The following PHKB variants were observed in gnomAD, a reference collection of about 807,000 sequenced individuals.
The protein encoded by PHKB is phosphorylase kinase regulatory subunit beta.
A neutral mutation model predicts 152.1 loss-of-function variants in PHKB; 122 were observed. The ratio of observed to expected loss-of-function variants is 0.80; its 90% CI spans 0.69 to 0.93. The LOEUF is 0.93. PHKB is among the 40% of genes least tolerant of loss of function. The probability of loss-of-function intolerance (pLI) is 0.00; values close to 1 mark genes in which losing one functional copy is unlikely to be tolerated. For missense variants in PHKB, 1,304 were observed against 1,328.4 expected, an observed-to-expected ratio of 0.98 and a Z score of 0.29; for synonymous variants, 436 against 464.9, an observed-to-expected ratio of 0.94 and a Z score of 0.80.
At chr16:47,603,602 C>T (rs1972272743) in intron 13 of PHKB, among the ~76,000 whole-genome samples, 1 of 150,790 alleles carries the variant, frequency 6.6e-6, no homozygotes, top group South Asian at 2.1e-4. Context: ...CTCCAGGGTT[C>T]AAGCAATCCT....
At position 47,649,328 on chromosome 16, in the gene PHKB, A is replaced by G. The variant is rs896401848; in HGVS notation, c.1797+124A>G. ...GGGTTAACACAGTGTAAAGCATGAC[A>G]GTAAAACCACCTGCATAGCTTTGGA... is the stretch of plus-strand genomic sequence containing the variant. On this transcript the variant is annotated intron_variant, in intron 18 of 30. Coordinates refer to ENST00000323584, the MANE Select transcript of PHKB (RefSeq NM_000293.3). The G allele has an allele frequency of 5.0e-5, 36 of 722,732 alleles. 1 individual carries two copies. The highest frequency in any genetic ancestry group is 2.9e-4 in the South Asian group (20 of 69,586). The allele number at this position is 722,732 out of a possible 1,614,324, so 44.8% of individuals were successfully genotyped here. A position where few individuals can be genotyped will look rare whatever the true frequency, so the allele number is the denominator to read the frequency against.
intron 26 of PHKB, among the ~76,000 whole-genome samples, chr16:47,678,272 T>G (rs1973774378): frequency 1.3e-5 from 2 of 152,340 alleles, no homozygotes; most frequent in Middle Eastern, 3.4e-3. Flanking sequence ...TATAATCCTT[T>G]GGGTATATAC....
At chr16:47,589,648 AAC>A (rs1971994252) in intron 10 of PHKB, among the ~76,000 whole-genome samples, 1 of 152,238 alleles carries the variant, frequency 6.6e-6, no homozygotes. Flanking sequence ...TGTATTTCAA[AAC>A]ACATATACCA....
chr16:47,557,092 A>G (rs1452437658), intron 7 of PHKB, among the ~76,000 whole-genome samples: 1 of 152,204 alleles, frequency 6.6e-6, no homozygotes, highest in African/African-American at 2.4e-5. Flanking sequence ...ATCTACAACT[A>G]CTTGATCTTT....
At chr16:47,467,464 G>A (rs374547944) in intron 1 of PHKB, among the ~76,000 whole-genome samples, 1 of 152,110 alleles carries the variant, frequency 6.6e-6, no homozygotes, top group South Asian at 2.1e-4. Flanking sequence ...TAGATTGCAG[G>A]TAGAGCAGTT....
intron 24 of PHKB, 27 bp downstream of exon 24, chr16:47,663,761 G>A: frequency 7.6e-7 from 1 of 1,321,718 alleles, no homozygotes; most frequent in Non-Finnish European, 1.1e-6. Flanking sequence ...TTGTTGTTAT[G>A]TTTTATTTTT....
chr16:47,675,500 TAC>T (rs34033481), intron 26 of PHKB: 41,866 of 140,382 alleles, frequency 0.3, 7,162 homozygotes, highest in East Asian at 0.7. Flanking sequence ...CACACACACG[TAC>T]ACACACACAC....
chr16:47,600,033 A>G (rs191093120), intron 13 of PHKB, among the ~76,000 whole-genome samples: 1 of 152,306 alleles, frequency 6.6e-6, no homozygotes, highest in East Asian at 1.9e-4. Context: ...AATTGTGGTT[A>G]CTATTTTTAC....
At chr16:47,699,181 C>T in intron 30 of PHKB, 48 bp from the exon 31 acceptor site, 1 of 1,601,884 alleles carries the variant, frequency 6.2e-7, no homozygotes, top group Non-Finnish European at 8.6e-7. Flanking sequence ...CCTGTCAACT[C>T]TTTACAAACA....
chr16:47,586,712 A>C (rs2151696253), intron 8 of PHKB, among the ~76,000 whole-genome samples: 1 of 152,230 alleles, frequency 6.6e-6, no homozygotes, highest in East Asian at 1.9e-4. Context: ...AGTAACATGA[A>C]ATTTATAATT....
chr16:47,630,465 G>A (rs1469207207), intron 14 of PHKB, among the ~76,000 whole-genome samples: 2 of 151,274 alleles, frequency 1.3e-5, no homozygotes, highest in Non-Finnish European at 2.9e-5. Flanking sequence ...CTGGGTGACA[G>A]AAGGGAAACT....
chr16:47,580,423 C>T, intron 8 of PHKB, 65 bp downstream of exon 8: 2 of 1,169,476 alleles, frequency 1.7e-6, no homozygotes, highest in Non-Finnish European at 2.6e-6. Flanking sequence ...TTTGGCTATT[C>T]ATTAACAAAG....
intron 25 of PHKB, among the ~76,000 whole-genome samples, chr16:47,666,372 G>A (rs1973539435): frequency 6.6e-6 from 1 of 152,182 alleles, no homozygotes; most frequent in Admixed American, 6.6e-5. Flanking sequence ...ACAGCAAAGG[G>A]CGCATCTTCC....
chr16:47,657,895 T>C (rs1973366719), intron 20 of PHKB, among the ~76,000 whole-genome samples: 1 of 152,196 alleles, frequency 6.6e-6, no homozygotes, highest in African/African-American at 2.4e-5. Context: ...ATCTAACCAC[T>C]TCCCATCACC....
chr16:47,544,194 G>C (rs1367603326), intron 6 of PHKB, among the ~76,000 whole-genome samples: 1 of 152,078 alleles, frequency 6.6e-6, no homozygotes, highest in African/African-American at 2.4e-5. Flanking sequence ...TGTCGATTTT[G>C]GATCTTTCCC....
At chr16:47,483,018 G>A (rs1223472237) in intron 1 of PHKB, among the ~76,000 whole-genome samples, 1 of 148,262 alleles carries the variant, frequency 6.7e-6, no homozygotes, top group African/African-American at 2.5e-5. Context: ...ACCATGCCTG[G>A]CCTATTAAAT....
At chr16:47,629,296 GAA>G (rs1338064820) in intron 14 of PHKB, among the ~76,000 whole-genome samples, 2 of 151,922 alleles carry the variant, frequency 1.3e-5, no homozygotes, top group Non-Finnish European at 2.9e-5. Flanking sequence ...CTAATATCCA[GAA>G]TCTACAATGA....
chr16:47,665,195 T>C lies in PHKB; in HGVS notation c.2427+220T>C. ...TATAAATGCTTTTTATAAGTCAGCT[T>C]CTGTGGATATCCTGAAATACATGAA... On this transcript the variant is annotated intron_variant, in intron 25 of 30. Coordinates refer to ENST00000323584, the MANE Select transcript of PHKB (RefSeq NM_000293.3). 5.9e-6 allele frequency: 3 copies of C among 510,576 alleles called. No individual in the cohort carries two copies. The South Asian group carries it at 6.5e-5, about 11-fold the overall frequency. 31.6% of individuals were successfully genotyped at this position (510,576 alleles called of 1,614,324 possible). A position where few individuals can be genotyped will look rare whatever the true frequency, so the allele number is the denominator to read the frequency against.
chr16:47,689,487 C>T (rs1373379232), intron 27 of PHKB, among the ~76,000 whole-genome samples: 1 of 152,140 alleles, frequency 6.6e-6, no homozygotes, highest in Non-Finnish European at 1.5e-5. Flanking sequence ...CCTTTCTGAA[C>T]CTTTGTGGCA....
Sources: gnomAD v4.1 joint callset for allele counts (sites outside exome capture counted in the v4.1 genomes callset) on GRCh38, gnomAD v4.1.1 for gene constraint, MANE v1.5 for transcripts, NCBI Gene and HGNC (gene_info 2026-07-23, HGNC 2026-07-21) for gene names.